The following RFC3 variants were observed in gnomAD, a reference collection of about 807,000 sequenced individuals.
RFC3 encodes the protein A1 38 kDa subunit.
RFC3 carries 41 observed loss-of-function variants against 45.1 expected under a neutral mutation model. That is an observed-to-expected ratio of 0.91 (90% CI 0.71 to 1.18). The LOEUF (loss-of-function observed/expected upper bound fraction) is 1.18, where lower values mean the gene tolerates loss of function less well. RFC3 is among the 50% of genes most tolerant of loss of function. RFC3 has a pLI of 0.00. For synonymous variants in RFC3, 149 were observed against 144.0 expected (o/e 1.03, Z -0.25); for missense variants, 423 against 428.1 (o/e 0.99, Z 0.10).
chr13:33,968,937 C>T (rs564584216), downstream of RFC3, among the ~76,000 whole-genome samples: 1 of 152,258 alleles, frequency 6.6e-6, no homozygotes, highest in African/African-American at 2.4e-5. Context: ...ATACTAATGC[C>T]GGCATTGTGT....
At chr13:33,907,983 C>T in intron 8 of RFC3, among the ~76,000 whole-genome samples, 1 of 151,284 alleles carries the variant, frequency 6.6e-6, no homozygotes, top group East Asian at 2.0e-4. Context: ...GTCACCTCTC[C>T]CTGAGATCTT....
chr13:33,894,849 C>T (rs1044228686), intron 8 of RFC3, among the ~76,000 whole-genome samples: 15 of 151,880 alleles, frequency 9.9e-5, no homozygotes, highest in Admixed American at 3.3e-4. Context: ...AGAAATAAAG[C>T]CAAATACTTA....
downstream of RFC3, among the ~76,000 whole-genome samples, chr13:33,971,365 ATGT>A (rs1033459079): frequency 1.2e-4 from 18 of 152,346 alleles, 1 homozygote; most frequent in South Asian, 6.2e-4. Context: ...AATAAAATAA[ATGT>A]TGTGCGTCAT....
At chr13:33,837,675 A>G (rs2082168072), downstream of RFC3, among the ~76,000 whole-genome samples, 1 of 152,058 alleles carries the variant, frequency 6.6e-6, no homozygotes, top group Non-Finnish European at 1.5e-5. Context: ...TTGTTCCTAT[A>G]GTATTGGTTT....
intron 8 of RFC3, among the ~76,000 whole-genome samples, chr13:33,883,818 A>G (rs962876184): frequency 4.6e-5 from 7 of 152,208 alleles, no homozygotes; most frequent in Admixed American, 1.3e-4. Flanking sequence ...AAGATCAGGA[A>G]AACAACACTA....
chr13:33,882,422 A>G (rs2082491178), intron 8 of RFC3, among the ~76,000 whole-genome samples: 1 of 152,182 alleles, frequency 6.6e-6, no homozygotes, highest in Non-Finnish European at 1.5e-5. Context: ...TTGAAGCCCT[A>G]ATCTCCAGTG....
intron 8 of RFC3, among the ~76,000 whole-genome samples, chr13:33,903,800 G>C (rs1196748799): frequency 6.6e-6 from 1 of 152,004 alleles, no homozygotes; most frequent in Non-Finnish European, 1.5e-5. Flanking sequence ...TTTGGCCCCT[G>C]TGCTCTCTTT....
chr13:33,932,273 A>AAAGTTAGT lies in RFC3; in HGVS notation c.880-33811_880-33804dup, dbSNP rs1477103443. ...GAAATTATTCCTTAATGCCATTAAA[A>AAAGTTAGT]AAGTTAGTAATTTTTGTCTATTTAT... On this transcript the variant is annotated intron_variant, in intron 8 of 8. Transcript: ENST00000434425. Among the ~76,000 whole-genome samples the AAAGTTAGT allele has an allele frequency of 2.6e-5, 4 of 152,292 alleles. No individual in the cohort carries two copies. In the East Asian group the frequency reaches 7.7e-4, roughly 29 times the overall value.
At chr13:33,885,055 G>T (rs1245654921) in intron 8 of RFC3, among the ~76,000 whole-genome samples, 3 of 152,114 alleles carry the variant, frequency 2.0e-5, no homozygotes, top group African/African-American at 7.2e-5. Flanking sequence ...AACAAAGACT[G>T]CCCTATTGAA....
At chr13:33,843,485 T>TA (rs1433452492) in intron 8 of RFC3, among the ~76,000 whole-genome samples, 1 of 152,218 alleles carries the variant, frequency 6.6e-6, no homozygotes, top group Non-Finnish European at 1.5e-5. Context: ...CTCTTTAATA[T>TA]AGCAGCACCA....
rs1292563683 is a variant in RFC3 at position 33,906,441 on chromosome 13, T to C, written c.880-59646T>C. 2.0e-5 allele frequency among the ~76,000 whole-genome samples: 3 copies of C among 152,232 alleles called. No homozygotes were observed. In the East Asian group the frequency reaches 5.8e-4, roughly 30 times the overall value. On this transcript the variant is annotated intron_variant, in intron 8 of 8. Transcript: ENST00000434425. ...CCCAGAATCTCCATATGACTAAATA[T>C]GGACTTCTAAGATTCATGTAGACAC...
chr13:33,894,121 G>T (rs1280787497), intron 8 of RFC3, among the ~76,000 whole-genome samples: 1 of 152,142 alleles, frequency 6.6e-6, no homozygotes, highest in Non-Finnish European at 1.5e-5. Context: ...ACAAACCACA[G>T]ACCCTTTGAA....
At chr13:33,850,999 T>G (rs2082273086) in intron 8 of RFC3, among the ~76,000 whole-genome samples, 1 of 152,154 alleles carries the variant, frequency 6.6e-6, no homozygotes, top group African/African-American at 2.4e-5. Context: ...AAACTTAAAT[T>G]TACTAATTGC....
rs766692309 is a variant in RFC3, at chr13:33,836,328, G to GTATC, written c.*34_*37dup. On this transcript the variant is annotated 3_prime_UTR_variant, in exon 9 of 9. Transcript: ENST00000380071. ...CAGTTATTCTTGCAAAGATTTCTCA[G>GTATC]TATCAGTATTTACATACAGCTTATA... 4.5e-5 allele frequency: 72 copies of GTATC among 1,608,004 alleles called. No individual in the cohort carries two copies. The African/African-American group carries it at 8.8e-4, about 20-fold the overall frequency.
chr13:33,935,378 A>G (rs1047386250), intron 8 of RFC3, among the ~76,000 whole-genome samples: 4 of 152,214 alleles, frequency 2.6e-5, no homozygotes, highest in Non-Finnish European at 4.4e-5. Context: ...AAAAAGTTGT[A>G]CTTGCAAATA....
intron 8 of RFC3, among the ~76,000 whole-genome samples, 200 bp from the exon 9 acceptor site, chr13:33,835,904 C>G (rs1285470772): frequency 6.6e-6 from 1 of 152,044 alleles, no homozygotes; most frequent in South Asian, 2.1e-4. Flanking sequence ...GTGGTTGATA[C>G]CCACCACATT....
intron 8 of RFC3, among the ~76,000 whole-genome samples, chr13:33,866,872 G>A (rs990315594): frequency 6.6e-6 from 1 of 152,038 alleles, no homozygotes; most frequent in African/African-American, 2.4e-5. Flanking sequence ...TCCAGTTTAG[G>A]GTAAATAGGG....
chr13:33,874,784 A>G (rs1342692058), intron 8 of RFC3, among the ~76,000 whole-genome samples: 3 of 152,244 alleles, frequency 2.0e-5, no homozygotes, highest in Non-Finnish European at 4.4e-5. Flanking sequence ...CCTTTGCTCC[A>G]TAATGGAAGT....
chr13:33,821,819 T>G (rs1012095785), intron 2 of RFC3, among the ~76,000 whole-genome samples: 1 of 152,242 alleles, frequency 6.6e-6, no homozygotes, highest in African/African-American at 2.4e-5. Context: ...CTAGCTGAAA[T>G]GTATCCTTCC....
Sources: gnomAD v4.1 joint callset for allele counts (sites outside exome capture counted in the v4.1 genomes callset) on GRCh38, gnomAD v4.1.1 for gene constraint, MANE v1.5 for transcripts, NCBI Gene and HGNC (gene_info 2026-07-23, HGNC 2026-07-21) for gene names.